ZNF407: variants seen among roughly 807,000 people sequenced by gnomAD.
ZNF407 encodes zinc finger protein 407.
A neutral mutation model predicts 131.2 loss-of-function variants in ZNF407; 17 were observed. The observed-to-expected ratio is 0.13, with a 90% CI of 0.09 to 0.19. The LOEUF is 0.19. ZNF407 is among the 10% of genes least tolerant of loss of function. The pLI, the probability that ZNF407 is intolerant of heterozygous loss-of-function variation, is 1.00. For missense variants in ZNF407, 2,681 were observed against 2,830.6 expected, an observed-to-expected ratio of 0.95 and a Z score of 1.20; for synonymous variants, 1,156 against 1,062.0, an observed-to-expected ratio of 1.09 and a Z score of -1.72.
intron 8 of ZNF407, among the ~76,000 whole-genome samples, chr18:74,926,235 T>C (rs1407735381): frequency 6.6e-6 from 1 of 152,206 alleles, no homozygotes; most frequent in Non-Finnish European, 1.5e-5. Flanking sequence ...CTTCATTCCC[T>C]TTCTCGCTCT....
chr18:74,935,072 A>T (rs1972024816), intron 8 of ZNF407, among the ~76,000 whole-genome samples: 1 of 152,202 alleles, frequency 6.6e-6, no homozygotes, highest in Non-Finnish European at 1.5e-5. Context: ...CAACTTGCAT[A>T]TTCATGTTTA....
At chr18:74,983,242 A>T (rs1972613828) in intron 8 of ZNF407, among the ~76,000 whole-genome samples, 1 of 151,882 alleles carries the variant, frequency 6.6e-6, no homozygotes, top group African/African-American at 2.4e-5. Flanking sequence ...TGGTCCCCTC[A>T]TTCAGAGCTT....
chr18:75,025,566 A>G (rs1973161275), intron 8 of ZNF407, among the ~76,000 whole-genome samples: 1 of 152,202 alleles, frequency 6.6e-6, no homozygotes, highest in African/African-American at 2.4e-5. Context: ...CTTCACCACT[A>G]GTTTCCTTTC....
At chr18:74,890,874 G>A (rs192970349) in intron 7 of ZNF407, among the ~76,000 whole-genome samples, 9 of 152,282 alleles carry the variant, frequency 5.9e-5, no homozygotes, top group African/African-American at 1.7e-4. Context: ...GACCCAATCC[G>A]TGTGTGTTCG....
intron 4 of ZNF407, among the ~76,000 whole-genome samples, chr18:74,860,638 T>C (rs1970925270): frequency 6.6e-6 from 1 of 152,082 alleles, no homozygotes; most frequent in Non-Finnish European, 1.5e-5. Context: ...TTTTAAACCA[T>C]GTTTTTAGAT....
At chr18:74,742,068 T>C (rs12970897) in intron 3 of ZNF407, among the ~76,000 whole-genome samples, 20,692 of 152,198 alleles carry the variant, frequency 0.14, 2,481 homozygotes, top group African/African-American at 0.32. Flanking sequence ...CTTCATGTAT[T>C]AATATCTTTA....
At chr18:74,772,355 C>A (rs1439863841) in intron 3 of ZNF407, among the ~76,000 whole-genome samples, 4 of 152,120 alleles carry the variant, frequency 2.6e-5, no homozygotes, top group African/African-American at 9.7e-5. Context: ...AAATCTAAAT[C>A]CCATGTCAGA....
chr18:74,913,476 G>T, intron 7 of ZNF407, among the ~76,000 whole-genome samples: 1 of 152,200 alleles, frequency 6.6e-6, no homozygotes, highest in Non-Finnish European at 1.5e-5. Context: ...GCTGTTCCAT[G>T]GAAAAGCGAG....
At chr18:74,748,057 G>A (rs1423417789) in intron 3 of ZNF407, among the ~76,000 whole-genome samples, 2 of 152,052 alleles carry the variant, frequency 1.3e-5, no homozygotes, top group African/African-American at 4.8e-5. Context: ...TTAAAATGTT[G>A]CTTGGTGATT....
At chr18:75,007,153 G>A (rs1018868361) in intron 8 of ZNF407, among the ~76,000 whole-genome samples, 1 of 151,796 alleles carries the variant, frequency 6.6e-6, no homozygotes, top group African/African-American at 2.4e-5. Context: ...GAGCATTTGG[G>A]AACATTTAAG....
chr18:74,907,324 G>A (rs993588438), intron 7 of ZNF407, among the ~76,000 whole-genome samples: 5 of 152,270 alleles, frequency 3.3e-5, no homozygotes, highest in East Asian at 3.9e-4. Flanking sequence ...GGAGCAACAC[G>A]CAAGGATTTT....
intron 8 of ZNF407, among the ~76,000 whole-genome samples, chr18:74,992,028 C>T (rs1972724489): frequency 6.6e-6 from 1 of 152,178 alleles, no homozygotes; most frequent in African/African-American, 2.4e-5. Context: ...CTTCCCCACT[C>T]CTCACAATGG....
chr18:74,906,382 G>C (rs180874278), intron 7 of ZNF407, among the ~76,000 whole-genome samples: 1 of 152,190 alleles, frequency 6.6e-6, no homozygotes, highest in Non-Finnish European at 1.5e-5. Flanking sequence ...ATCCAGGCAC[G>C]TAAGCACATC....
intron 4 of ZNF407, among the ~76,000 whole-genome samples, chr18:74,856,697 C>T (rs1383437924): frequency 6.6e-6 from 1 of 152,166 alleles, no homozygotes; most frequent in Admixed American, 6.5e-5. Context: ...AGGTTTCAGT[C>T]TGTAAAACAG....
rs544848786 is a variant in ZNF407, at chr18:74,722,058, TTGTC to T, written c.4803-59366_4803-59363del. ...TGCTTGTAGGATTTTCTCACTGTCT[TTGTC>T]TGTTTTTTTTTTCAGCAGCTTGATT... On this transcript the variant is annotated intron_variant, in intron 3 of 8. Transcript: ENST00000299687. Among the ~76,000 whole-genome samples, 41 of 150,768 alleles carry T rather than the reference TTGTC, an allele frequency of 2.7e-4. 2 individuals carry two copies. In the South Asian group the frequency reaches 3.4e-3, roughly 12 times the overall value.
chr18:74,894,137 C>T (rs1053473015), intron 7 of ZNF407, among the ~76,000 whole-genome samples: 3 of 152,048 alleles, frequency 2.0e-5, no homozygotes, highest in African/African-American at 7.2e-5. Flanking sequence ...GCAATGACAT[C>T]TCATTCTATT....
At chr18:75,035,517 A>G (rs753261422) in intron 8 of ZNF407, among the ~76,000 whole-genome samples, 1 of 152,256 alleles carries the variant, frequency 6.6e-6, no homozygotes, top group Non-Finnish European at 1.5e-5. Context: ...CTCGTTCTCT[A>G]TATCTGGTCA....
intron 8 of ZNF407, among the ~76,000 whole-genome samples, chr18:74,925,384 A>T (rs1296975942): frequency 6.6e-6 from 1 of 152,216 alleles, no homozygotes; most frequent in African/African-American, 2.4e-5. Flanking sequence ...AAGAATAAGA[A>T]TTTGAAAGTT....
At chr18:74,652,503 G>A (rs1985271461) in intron 3 of ZNF407, among the ~76,000 whole-genome samples, 1 of 151,800 alleles carries the variant, frequency 6.6e-6, no homozygotes, top group South Asian at 2.1e-4. Context: ...CATGAATATT[G>A]CTTATATTTT....
Sources: allele counts gnomAD v4.1 joint callset (sites outside exome capture counted in the v4.1 genomes callset), GRCh38; gene constraint gnomAD v4.1.1; transcripts MANE v1.5; gene names NCBI Gene and HGNC (gene_info 2026-07-23, HGNC 2026-07-21).